XIAP: variants seen among roughly 807,000 people sequenced by gnomAD.
The protein encoded by XIAP is X-linked inhibitor of apoptosis.
A neutral mutation model predicts 33.1 loss-of-function variants in XIAP; 3 were observed. The ratio of observed to expected loss-of-function variants is 0.09; its 90% CI spans 0.04 to 0.23. The LOEUF (loss-of-function observed/expected upper bound fraction) is 0.23. XIAP is among the 10% of genes least tolerant of loss of function. The pLI is 1.00. For synonymous variants in XIAP, 98 were observed against 121.3 expected, an observed-to-expected ratio of 0.81 and a Z score of 1.26; for missense variants, 264 against 363.0, an observed-to-expected ratio of 0.73 and a Z score of 2.22.
chrX:123,880,908 G>A (rs1024532067), intron 1 of XIAP, among the ~76,000 whole-genome samples: 1 of 110,382 alleles, frequency 9.1e-6, no homozygotes, highest in African/African-American at 3.3e-5. Context: ...TCTTTACGCA[G>A]TTGACTGGAC....
intron 3 of XIAP, among the ~76,000 whole-genome samples, chrX:123,890,667 C>T (rs1334187889): frequency 1.2e-4 from 11 of 93,863 alleles, no homozygotes; most frequent in Non-Finnish European, 2.1e-4. Flanking sequence ...ACTAGCCGGG[C>T]ATGGTGGCTT....
rs1204700440 is a variant in XIAP at position 123,909,163 on chromosome X, G to A, written c.*1982G>A. 2 of 270,844 alleles carry A rather than the reference G, an allele frequency of 7.4e-6. No individual in the cohort carries two copies. The highest frequency in any genetic ancestry group is 1.4e-5 in the Non-Finnish European group (2 of 146,140). 22.3% of individuals were successfully genotyped at this position (270,844 alleles called of 1,213,427 possible). On this transcript the variant is annotated 3_prime_UTR_variant, in exon 7 of 7. Transcript: ENST00000371199. The stretch of plus-strand genomic sequence containing the variant: ...CGTGCCTCAGCTTCCTGAGTAGCTG[G>A]AATTACAGGCAGGTGCCACCATGCC...
At chrX:123,894,127 A>G (rs2053436414) in intron 5 of XIAP, among the ~76,000 whole-genome samples, 1 of 112,428 alleles carries the variant, frequency 8.9e-6, no homozygotes, top group Non-Finnish European at 1.9e-5. Flanking sequence ...GCTTCTTCAC[A>G]GAGGTGTAAG....
rs1310505695 is a variant in XIAP, at chrX:123,892,920, A to T, written c.1099+147A>T. The T allele has an allele frequency of 2.0e-5, 10 of 488,714 alleles. No homozygotes were observed. In the East Asian group the frequency reaches 4.4e-4, roughly 22 times the overall value. 40.3% of individuals were successfully genotyped at this position (488,714 alleles called of 1,213,427 possible). ...ACTGCAATCTCTGCCTCCCGGGTTCAACCGATTCTCCTGCCTCAACCTCCC... is the reference window on the plus strand; with the variant it reads ...ACTGCAATCTCTGCCTCCCGGGTTCTACCGATTCTCCTGCCTCAACCTCCC... On this transcript the variant is annotated intron_variant, in intron 5 of 6. Transcript: ENST00000371199.
Position 123,882,626 on chromosome X carries a change from C to T in XIAP, c.-32-3005C>T, listed in dbSNP as rs1337918817. 3.6e-5 allele frequency among the ~76,000 whole-genome samples: 4 copies of T among 112,363 alleles called. No homozygotes were observed. In the Admixed American group the frequency reaches 3.8e-4, roughly 11 times the overall value. The stretch of plus-strand genomic sequence containing the variant: ...GATGTTGCACATCTGGACACTAATG[C>T]AGTCTGAAGTTGCTGTAAGTTTTTT... On this transcript the variant is annotated intron_variant, in intron 1 of 6. Transcript: ENST00000371199.
chrX:123,892,323 C>T (rs7891837), intron 4 of XIAP, among the ~76,000 whole-genome samples: 21,340 of 110,316 alleles, frequency 0.19, 1,485 homozygotes, highest in South Asian at 0.39. Context: ...GCTGAGATCA[C>T]GCCACTACAC....
chrX:123,905,211 C>T (rs2053548376), intron 6 of XIAP, among the ~76,000 whole-genome samples: 1 of 111,442 alleles, frequency 9.0e-6, no homozygotes, highest in Admixed American at 9.6e-5. Flanking sequence ...GGATCAAGTC[C>T]AAACTCCTTT....
chrX:123,861,118 A>G (rs2053075671), intron 1 of XIAP, among the ~76,000 whole-genome samples: 1 of 111,584 alleles, frequency 9.0e-6, no homozygotes, highest in African/African-American at 3.3e-5. Flanking sequence ...CCATCTTAGA[A>G]TTATAACATT....
chrX:123,883,631 G>C (rs2053325355), intron 1 of XIAP, among the ~76,000 whole-genome samples: 1 of 108,503 alleles, frequency 9.2e-6, no homozygotes, highest in South Asian at 4.0e-4. Context: ...CAAGTAGCTG[G>C]GATTACAGGC....
chrX:123,863,604 GGTTCAAGCA>G (rs1165014092), intron 1 of XIAP, among the ~76,000 whole-genome samples: 2 of 111,054 alleles, frequency 1.8e-5, no homozygotes, highest in African/African-American at 6.5e-5. Flanking sequence ...CTGCCTCCCA[GGTTCAAGCA>G]GTTTCCTGCC....
Position 123,891,223 on chromosome X carries a change from C to A in XIAP, c.978-15C>A. 1.1e-6 allele frequency: 1 copy of A among 933,376 alleles called. No individual in the cohort carries two copies. Among genetic ancestry groups the A allele is most frequent in the South Asian group, 2.1e-5 (1 of 46,724 alleles). 76.9% of individuals were successfully genotyped at this position (933,376 alleles called of 1,213,427 possible). A position where few individuals can be genotyped will look rare whatever the true frequency, so the allele number is the denominator to read the frequency against. ...AATTTATCAGCTACTAAAGTTTAAT[C>A]TTTTAATTGTTTAGGTGCAAATATC... On this transcript the variant is annotated splice_polypyrimidine_tract_variant and intron_variant, in intron 3 of 6. Transcript: ENST00000371199.
At chrX:123,878,118 A>G (rs2053264230) in intron 1 of XIAP, among the ~76,000 whole-genome samples, 2 of 112,313 alleles carry the variant, frequency 1.8e-5, no homozygotes, top group Non-Finnish European at 1.9e-5. Flanking sequence ...CCCATTTTCC[A>G]TATCAAAAGC....
chrX:123,888,840 A>C, intron 3 of XIAP, 122 bp downstream of exon 3: 1 of 589,815 alleles, frequency 1.7e-6, no homozygotes, highest in Non-Finnish European at 2.8e-6. Flanking sequence ...CTAGGTTTAT[A>C]AAAATGAGCA....
At position 123,879,315 on chromosome X, in the gene XIAP, G is replaced by GATTTTTTTTTTTTTTTT. The variant is rs56261418; in HGVS notation, c.-32-6316_-32-6315insATTTTTTTTTTTTTTTT. 2 of 86,545 alleles carry GATTTTTTTTTTTTTTTT rather than the reference G, an allele frequency of 2.3e-5. 1 individual carries two copies. 7.1% of individuals were successfully genotyped at this position (86,545 alleles called of 1,213,427 possible). A position where few individuals can be genotyped will look rare whatever the true frequency, so the allele number is the denominator to read the frequency against. ...TGTGGTTGACAAAACCACAGAAAGA[G>GATTTTTTTTTTTTTTTT]TTTTTTTTTTTTTTTTTTTTTGAGA... On this transcript the variant is annotated intron_variant, in intron 1 of 6. Coordinates refer to ENST00000371199, the MANE Select transcript of XIAP (RefSeq NM_001167.4).
At chrX:123,890,262 C>A (rs1319710997) in intron 3 of XIAP, among the ~76,000 whole-genome samples, 1 of 103,697 alleles carries the variant, frequency 9.6e-6, no homozygotes, top group Non-Finnish European at 2.0e-5. Context: ...GTGATCCGCC[C>A]GCCTCGGCCT....
chrX:123,877,192 A>T (rs1406580761), intron 1 of XIAP, among the ~76,000 whole-genome samples: 2 of 109,334 alleles, frequency 1.8e-5, no homozygotes, highest in African/African-American at 6.7e-5. Flanking sequence ...CAGCCTCCTG[A>T]GTAACTGGGA....
In XIAP at chrX:123,890,295, C is replaced by T. The variant is rs1265020827; in HGVS notation, c.978-943C>T. Among the ~76,000 whole-genome samples the T allele has an allele frequency of 4.8e-5, 5 of 104,957 alleles. No individual in the cohort carries two copies. In the South Asian group the frequency reaches 1.8e-3, roughly 38 times the overall value. 91.1% of individuals were successfully genotyped at this position (104,957 alleles called of 115,157 possible). A position where few individuals can be genotyped will look rare whatever the true frequency, so the allele number is the denominator to read the frequency against. ...CCTCCCAAAGTGCTGGGATTACAGGCGTGAGCCACCGCGCCCGGCCCAGTT... is the reference window on the plus strand; with the variant it reads ...CCTCCCAAAGTGCTGGGATTACAGGTGTGAGCCACCGCGCCCGGCCCAGTT... On this transcript the variant is annotated intron_variant, in intron 3 of 6. Transcript: ENST00000371199.
rs1418637352 is a variant in XIAP at position 123,908,572 on chromosome X, C to A, written c.*1391C>A. ...TCTTAAAGTTTCATGTGAGTTTTTA[C>A]CGTTAGGATGATTAAGATGTATATA... is the stretch of plus-strand genomic sequence containing the variant. On this transcript the variant is annotated 3_prime_UTR_variant, in exon 7 of 7. Transcript: ENST00000371199. 1.1e-5 allele frequency: 4 copies of A among 357,768 alleles called. No homozygotes were observed. Among genetic ancestry groups the A allele is most frequent in the African/African-American group, 1.0e-4 (4 of 38,968 alleles). 29.5% of individuals were successfully genotyped at this position (357,768 alleles called of 1,213,427 possible).
intron 1 of XIAP, among the ~76,000 whole-genome samples, chrX:123,862,089 T>C (rs1049357873): frequency 9.0e-6 from 1 of 110,852 alleles, no homozygotes; most frequent in African/African-American, 3.3e-5. Context: ...AATTAATTTT[T>C]TTTTTTGAGA....
Sources: allele counts gnomAD v4.1 joint callset (sites outside exome capture counted in the v4.1 genomes callset), GRCh38; gene constraint gnomAD v4.1.1; transcripts MANE v1.5; gene names NCBI Gene and HGNC (gene_info 2026-07-23, HGNC 2026-07-21).